The following SNCAIP variants were observed in gnomAD, a reference collection of about 807,000 sequenced individuals.
SNCAIP encodes synphilin-1.
In SNCAIP, 43 loss-of-function variants were observed where a neutral mutation model predicts 86.7. The observed-to-expected ratio is 0.50, with a 90% CI of 0.39 to 0.64. The LOEUF is 0.64. SNCAIP is among the 30% of genes least tolerant of loss of function. The pLI is 0.00. For missense variants in SNCAIP, 981 were observed against 1,103.1 expected, an observed-to-expected ratio of 0.89 and a Z score of 1.57; for synonymous variants, 417 against 427.2, an observed-to-expected ratio of 0.98 and a Z score of 0.29.
At chr5:122,370,119 C>G (rs1449999522) in intron 1 of SNCAIP, 2 of 151,932 alleles carry the variant, frequency 1.3e-5, no homozygotes, top group Non-Finnish European at 2.9e-5. Context: ...GATGGATATC[C>G]CAGTTACTCC....
At chr5:122,339,936 C>T (rs1233135145) in intron 1 of SNCAIP, among the ~76,000 whole-genome samples, 1 of 152,058 alleles carries the variant, frequency 6.6e-6, no homozygotes. Flanking sequence ...TGTCACTGAG[C>T]AGGGGGTTAA....
intron 1 of SNCAIP, among the ~76,000 whole-genome samples, chr5:122,351,081 A>G (rs1307150708): frequency 6.6e-6 from 1 of 152,154 alleles, no homozygotes; most frequent in Non-Finnish European, 1.5e-5. Flanking sequence ...TTTTCTATTG[A>G]TTCAGCATAT....
At chr5:122,455,590 A>G (rs1784579612) in intron 10 of SNCAIP, among the ~76,000 whole-genome samples, 1 of 152,206 alleles carries the variant, frequency 6.6e-6, no homozygotes, top group Admixed American at 6.5e-5. Flanking sequence ...CCCTATCAGC[A>G]TATCCCTGGG....
chr5:122,440,860 G>C, intron 7 of SNCAIP, 106 bp downstream of exon 7: 1 of 1,063,076 alleles, frequency 9.4e-7, no homozygotes, highest in Non-Finnish European at 1.4e-6. Context: ...TTCACCTTTT[G>C]TATGGTCGTA....
chr5:122,371,867 A>G (rs1263763230), intron 1 of SNCAIP: 2 of 152,230 alleles, frequency 1.3e-5, no homozygotes, highest in East Asian at 3.8e-4. Context: ...TTGGTGTTAA[A>G]TAAATAATAC....
chr5:122,443,080 A>G (rs1374734362), intron 7 of SNCAIP, among the ~76,000 whole-genome samples: 2 of 152,166 alleles, frequency 1.3e-5, no homozygotes, highest in Non-Finnish European at 2.9e-5. Flanking sequence ...CTCAATACTG[A>G]CATGGTCTCT....
chr5:122,412,248 A>G (rs1340792668), intron 3 of SNCAIP, among the ~76,000 whole-genome samples: 1 of 151,968 alleles, frequency 6.6e-6, no homozygotes, highest in Non-Finnish European at 1.5e-5. Flanking sequence ...CCAACCCTCC[A>G]TTTAGAGCCA....
chr5:122,373,080 G>A (rs77658024), intron 1 of SNCAIP, among the ~76,000 whole-genome samples: 3,734 of 152,192 alleles, frequency 0.025, 142 homozygotes, highest in African/African-American at 0.085. Context: ...TTCCATGAGT[G>A]GAGTGGTGTA....
At position 122,432,076 on chromosome 5, in the gene SNCAIP, T is replaced by C. The variant is rs1442695428; in HGVS notation, c.1290T>C (p.Tyr430=). The C allele has an allele frequency of 6.8e-7, 1 of 1,460,480 alleles. No individual in the cohort carries two copies. The highest frequency in any genetic ancestry group is 9.6e-7 in the Non-Finnish European group (1 of 1,040,286). The allele number at this position is 1,460,480 out of a possible 1,614,324, so 90.5% of individuals were successfully genotyped here. A position where few individuals can be genotyped will look rare whatever the true frequency, so the allele number is the denominator to read the frequency against. ...GCCTTATTCATTACGCAGGTTGCTA[T>C]GGCCAGGTATGAAGGAGTTTTTTAA... ...FPSLIHYAGC[Y]GQEKILLWLL... The change falls in exon 6 of 11, where the codon TAT becomes TAC. Residue 430 remains tyrosine, a synonymous_variant. Coordinates refer to ENST00000261368, the MANE Select transcript of SNCAIP (RefSeq NM_005460.4).
At chr5:122,362,383 A>G (rs11957590) in intron 1 of SNCAIP, among the ~76,000 whole-genome samples, 2,362 of 152,290 alleles carry the variant, frequency 0.016, 43 homozygotes, top group African/African-American at 0.054. Context: ...ATGGCTCACC[A>G]TAGAGGAAAC....
intron 1 of SNCAIP, among the ~76,000 whole-genome samples, chr5:122,326,605 C>CTTTTTT (rs1491240086): frequency 9.8e-6 from 1 of 102,432 alleles, no homozygotes; most frequent in Admixed American, 1.2e-4. Flanking sequence ...AGAAATGTCT[C>CTTTTTT]CTTTTTTTTT....
At chr5:122,457,055 G>T (rs1340803703) in intron 10 of SNCAIP, among the ~76,000 whole-genome samples, 1 of 152,220 alleles carries the variant, frequency 6.6e-6, no homozygotes, top group Non-Finnish European at 1.5e-5. Context: ...AGGCTGGAGT[G>T]CAGTGGTGCG....
In SNCAIP at chr5:122,450,576, C is replaced by T. The variant is rs1472952938; in HGVS notation, c.1729C>T (p.Pro577Ser). 1.9e-6 allele frequency: 3 copies of T among 1,614,006 alleles called. No individual in the cohort carries two copies. In the South Asian group the frequency reaches 3.3e-5, roughly 18 times the overall value. Residue 577 changes from proline (P) to serine (S), a missense_variant, in exon 10 of 11, where the codon CCA (proline) becomes TCA (serine). Coordinates refer to ENST00000261368, the MANE Select transcript of SNCAIP (RefSeq NM_005460.4). ...CTCCAGAAAGTCCCAGTGGAAATCT[C>T]CAGATGCAGATGATGATTCTGTAGC... ...PASRKSQWKS[P>S]DADDDSVAKS...
rs2152818471 is a variant in SNCAIP, at chr5:122,382,098, G to T, written c.-46-8991G>T. On this transcript the variant is annotated intron_variant, in intron 1 of 10. Transcript: ENST00000261368. ...ATTTGAATGTTGGCCTTTCTTGCTA[G>T]GTTGGGGAAGTTCTCCTGGATAATA... Among the ~76,000 whole-genome samples, 2 of 152,224 alleles carry T rather than the reference G, an allele frequency of 1.3e-5. 1 individual carries two copies. Among genetic ancestry groups the T allele is most frequent in the African/African-American group, 4.8e-5 (2 of 41,520 alleles).
intron 3 of SNCAIP, among the ~76,000 whole-genome samples, chr5:122,414,077 T>C (rs781274544): frequency 2.0e-5 from 3 of 152,098 alleles, no homozygotes; most frequent in Non-Finnish European, 4.4e-5. Flanking sequence ...GCCTGGCTAA[T>C]TTTTTAATTC....
chr5:122,450,886 C>G lies in SNCAIP; in HGVS notation c.2039C>G (p.Thr680Arg), dbSNP rs1783569375. The change falls in exon 10 of 11, where the codon ACA becomes AGA. Residue 680 changes from threonine (T) to arginine (R), a missense_variant. Physicochemically the swap from Thr to Arg is moderately conservative, Grantham distance 71. Coordinates refer to ENST00000261368, the MANE Select transcript of SNCAIP (RefSeq NM_005460.4). ...CAGAGGTCACTGAGTGAGTCTGACA[C>G]AGACTCCAACAACTCTGAGGACCCC... ...LMQRSLSESD[T>R]DSNNSEDPKT... 2 of 1,613,980 alleles carry G rather than the reference C, an allele frequency of 1.2e-6. No individual in the cohort carries two copies. The highest frequency in any genetic ancestry group is 8.5e-7 in the Non-Finnish European group (1 of 1,180,002).
chr5:122,430,874 A>G (rs766365162), intron 5 of SNCAIP, among the ~76,000 whole-genome samples: 2 of 152,040 alleles, frequency 1.3e-5, no homozygotes, highest in Non-Finnish European at 2.9e-5. Context: ...AGTTGAGGAT[A>G]TTTTACTTTC....
intron 3 of SNCAIP, among the ~76,000 whole-genome samples, chr5:122,408,502 C>A (rs1447573065): frequency 6.6e-6 from 1 of 152,200 alleles, no homozygotes; most frequent in Non-Finnish European, 1.5e-5. Context: ...CCAATGCCCA[C>A]AAATCCTCCT....
chr5:122,376,519 C>A (rs1765364526), intron 1 of SNCAIP, among the ~76,000 whole-genome samples: 1 of 152,082 alleles, frequency 6.6e-6, no homozygotes, highest in South Asian at 2.1e-4. Context: ...CTTCCCAGTG[C>A]TTGAAATGTT....
Sources: gnomAD v4.1 joint callset for allele counts (sites outside exome capture counted in the v4.1 genomes callset) on GRCh38, gnomAD v4.1.1 for gene constraint, MANE v1.5 for transcripts, NCBI Gene and HGNC (gene_info 2026-07-23, HGNC 2026-07-21) for gene names.